The following MACROD2 variants were observed in gnomAD, a reference collection of about 807,000 sequenced individuals.
MACROD2 encodes the protein mono-ADP ribosylhydrolase 2.
Under a neutral mutation model 70.4 loss-of-function variants are expected in MACROD2, and 36 were observed. That is an observed-to-expected ratio of 0.51 (90% CI 0.39 to 0.68). The LOEUF (loss-of-function observed/expected upper bound fraction) is 0.68. Among genes scored for constraint, MACROD2 ranks in the 30% least tolerant of loss-of-function variants. MACROD2 has a pLI of 0.00. For missense variants in MACROD2, 496 were observed against 538.4 expected (o/e 0.92, Z 0.78); for synonymous variants, 172 against 178.8 (o/e 0.96, Z 0.30).
chr20:15,807,794 A>G (rs563608222), intron 8 of MACROD2, among the ~76,000 whole-genome samples: 21 of 152,242 alleles, frequency 1.4e-4, no homozygotes, highest in African/African-American at 5.1e-4. Context: ...AAGTTCTGGA[A>G]ATAAGGGACC....
intron 6 of MACROD2, among the ~76,000 whole-genome samples, chr20:15,337,792 G>A (rs572809159): frequency 1.6e-4 from 25 of 151,862 alleles, no homozygotes; most frequent in African/African-American, 6.1e-4. Context: ...AGTACAGCTT[G>A]TAGAACATAT....
chr20:14,354,531 G>T (rs2083155168), intron 3 of MACROD2, among the ~76,000 whole-genome samples: 1 of 152,008 alleles, frequency 6.6e-6, no homozygotes, highest in African/African-American at 2.4e-5. Context: ...CAAAGTGTCT[G>T]CAAGACTAAA....
At chr20:15,614,794 G>T (rs910812598) in intron 8 of MACROD2, among the ~76,000 whole-genome samples, 1 of 151,834 alleles carries the variant, frequency 6.6e-6, no homozygotes, top group Non-Finnish European at 1.5e-5. Flanking sequence ...CAGAATAATG[G>T]GTGTTAACTT....
intron 4 of MACROD2, among the ~76,000 whole-genome samples, chr20:14,582,260 C>T (rs1415744658): frequency 1.3e-5 from 2 of 151,868 alleles, no homozygotes; most frequent in African/African-American, 2.4e-5. Context: ...TTTAAAATCA[C>T]GTTATTTTTC....
chr20:14,853,210 G>A (rs1313017154), intron 5 of MACROD2, among the ~76,000 whole-genome samples: 2 of 112,366 alleles, frequency 1.8e-5, no homozygotes, highest in Admixed American at 8.5e-5. Context: ...TATAAATGGG[G>A]ATAGAGAAGC....
At chr20:14,762,094 C>T (rs1222905092) in intron 5 of MACROD2, among the ~76,000 whole-genome samples, 2 of 152,060 alleles carry the variant, frequency 1.3e-5, no homozygotes, top group Admixed American at 6.5e-5. Context: ...CACATGGCCT[C>T]CTGCTGGTGA....
At chr20:15,782,557 A>G (rs1235839988) in intron 8 of MACROD2, among the ~76,000 whole-genome samples, 2 of 151,910 alleles carry the variant, frequency 1.3e-5, no homozygotes, top group Non-Finnish European at 2.9e-5. Flanking sequence ...GCTGGGTTCT[A>G]AGAGAGAGAC....
At chr20:15,184,743 A>G (rs2076523421) in intron 5 of MACROD2, among the ~76,000 whole-genome samples, 1 of 152,212 alleles carries the variant, frequency 6.6e-6, no homozygotes, top group African/African-American at 2.4e-5. Flanking sequence ...GTTCCCCAGG[A>G]GGAAAGTATC....
chr20:14,224,461 C>T (rs1002190408), intron 3 of MACROD2, among the ~76,000 whole-genome samples: 1 of 152,204 alleles, frequency 6.6e-6, no homozygotes, highest in African/African-American at 2.4e-5. Flanking sequence ...TAACCCTAAG[C>T]TCCACTTTGA....
intron 17 of MACROD2, 138 bp downstream of exon 17, chr20:16,044,777 A>G: frequency 1.4e-6 from 1 of 737,724 alleles, no homozygotes; most frequent in Non-Finnish European, 2.3e-6. Context: ...TCTTTAAACC[A>G]AATAACACAG....
intron 15 of MACROD2, among the ~76,000 whole-genome samples, chr20:15,989,098 C>T (rs912360543): frequency 2.0e-5 from 3 of 152,062 alleles, no homozygotes; most frequent in East Asian, 1.9e-4. Flanking sequence ...ATAAGTAAAA[C>T]GTGCAAAGCA....
At chr20:14,014,406 G>A (rs1332635824) in intron 2 of MACROD2, among the ~76,000 whole-genome samples, 1 of 152,132 alleles carries the variant, frequency 6.6e-6, no homozygotes, top group Non-Finnish European at 1.5e-5. Flanking sequence ...AAGAATTTAA[G>A]TATAGCTTAT....
chr20:15,001,947 A>C (rs1326272470), intron 5 of MACROD2, among the ~76,000 whole-genome samples: 5 of 129,872 alleles, frequency 3.8e-5, no homozygotes, highest in Admixed American at 1.5e-4. Flanking sequence ...GTGCATGCCC[A>C]CACACACACA....
rs767977 is a variant in MACROD2 at position 14,491,954 on chromosome 20, G to T, written c.272-1525G>T. The stretch of plus-strand genomic sequence containing the variant: ...ATTTCATGTGGTTTTATAAATGCAT[G>T]TAGCTAAGATTTTAGAAAATGTTTG... On this transcript the variant is annotated intron_variant, in intron 3 of 17. Transcript: ENST00000684519. 9.9e-5 allele frequency among the ~76,000 whole-genome samples: 15 copies of T among 152,242 alleles called. No homozygotes were observed. In the East Asian group the frequency reaches 2.9e-3, roughly 29 times the overall value.
intron 12 of MACROD2, among the ~76,000 whole-genome samples, chr20:15,944,734 G>T (rs1393452137): frequency 6.6e-6 from 1 of 151,818 alleles, no homozygotes; most frequent in Non-Finnish European, 1.5e-5. Context: ...AATTTTTTTG[G>T]TTGTTTAATT....
At chr20:14,975,648 C>T (rs563524611) in intron 5 of MACROD2, among the ~76,000 whole-genome samples, 1 of 152,092 alleles carries the variant, frequency 6.6e-6, no homozygotes, top group South Asian at 2.1e-4. Context: ...TGGGGCTTTC[C>T]ATGTGTTACA....
intron 4 of MACROD2, among the ~76,000 whole-genome samples, chr20:14,624,966 A>T (rs1479155955): frequency 6.6e-6 from 1 of 152,138 alleles, no homozygotes; most frequent in African/African-American, 2.4e-5. Context: ...GTATGGTCCA[A>T]GTTAAGAATA....
intron 6 of MACROD2, among the ~76,000 whole-genome samples, chr20:15,304,921 T>A (rs2077682822): frequency 6.6e-6 from 1 of 152,236 alleles, no homozygotes; most frequent in African/African-American, 2.4e-5. Context: ...GAAGTAAATT[T>A]GCTTTGCTGA....
intron 12 of MACROD2, among the ~76,000 whole-genome samples, chr20:15,940,758 C>T (rs1018699326): frequency 6.6e-6 from 1 of 152,102 alleles, no homozygotes; most frequent in African/African-American, 2.4e-5. Flanking sequence ...GTCAAATACC[C>T]ACATAGGCTC....
Sources: gnomAD v4.1 joint callset for allele counts (sites outside exome capture counted in the v4.1 genomes callset) on GRCh38, gnomAD v4.1.1 for gene constraint, MANE v1.5 for transcripts, NCBI Gene and HGNC (gene_info 2026-07-23, HGNC 2026-07-21) for gene names.